Variants in ZNRF3 observed in about 807,000 individuals in gnomAD.
The protein encoded by ZNRF3 is zinc and ring finger 3.
Under a neutral mutation model 72.5 loss-of-function variants are expected in ZNRF3, and 23 were observed. The observed-to-expected ratio is 0.32, with a 90% CI of 0.23 to 0.45. ZNRF3 has a LOEUF of 0.45. Ranked by LOEUF, ZNRF3 falls within the 20% of genes least tolerant of loss-of-function variation. The pLI is 1.00. For missense variants in ZNRF3, 1,169 were observed against 1,272.1 expected, an observed-to-expected ratio of 0.92 and a Z score of 1.23; for synonymous variants, 610 against 545.3, an observed-to-expected ratio of 1.12 and a Z score of -1.65.
intron 2 of ZNRF3, among the ~76,000 whole-genome samples, chr22:28,989,966 CAGAAA>C (rs1419474987): frequency 6.6e-6 from 1 of 152,228 alleles, no homozygotes; most frequent in Non-Finnish European, 1.5e-5. Context: ...TTGAACTTCT[CAGAAA>C]AGAACTCTAT....
In ZNRF3 at chr22:29,050,419, G is replaced by T; in HGVS notation, c.2238G>T (p.Ala746=). 1 of 1,607,662 alleles carries T rather than the reference G, an allele frequency of 6.2e-7. No homozygotes were observed. The change falls in exon 8 of 9, where the codon GCG becomes GCT. Residue 746 remains alanine, a synonymous_variant. Transcript: ENST00000544604. Reference sequence around the variant, plus strand: ...ACCTCTACGAGGGCTCTGGCCCGGCGGGTGGGGAGCCCCAGTCAGGAAGCT... The same window carrying T: ...ACCTCTACGAGGGCTCTGGCCCGGCTGGTGGGGAGCCCCAGTCAGGAAGCT... ...GPHLYEGSGP[A]GGEPQSGSSQ...
At chr22:28,941,138 A>G (rs73882406) in intron 1 of ZNRF3, among the ~76,000 whole-genome samples, 2,534 of 152,268 alleles carry the variant, frequency 0.017, 80 homozygotes, top group African/African-American at 0.059. Context: ...TGGAAATCCT[A>G]TCACTGCAAA....
At chr22:28,955,032 GTT>G (rs372334361) in intron 1 of ZNRF3, among the ~76,000 whole-genome samples, 2 of 137,174 alleles carry the variant, frequency 1.5e-5, no homozygotes, top group African/African-American at 5.4e-5. Flanking sequence ...TATTTTTGGT[GTT>G]TTTTTTTTTT....
In ZNRF3 at chr22:29,054,317, T is replaced by G. The variant is rs1008408987; in HGVS notation, c.*695T>G. On this transcript the variant is annotated 3_prime_UTR_variant, in exon 9 of 9. Transcript: ENST00000544604. ...ATAGGGTGTACATGATCCACAGCCC[T>G]GCGGAGCCAGGTCAAGCCGCTGCTA... 2 of 152,358 alleles carry G rather than the reference T, an allele frequency of 1.3e-5. No homozygotes were observed. Among genetic ancestry groups the G allele is most frequent in the African/African-American group, 4.8e-5 (2 of 41,462 alleles). The allele number at this position is 152,358 out of a possible 1,614,324, so 9.4% of individuals were successfully genotyped here.
chr22:28,884,764 A>G (rs1041825969), intron 1 of ZNRF3, among the ~76,000 whole-genome samples: 1 of 152,158 alleles, frequency 6.6e-6, no homozygotes, highest in Non-Finnish European at 1.5e-5. Flanking sequence ...GGACCTGCAA[A>G]TGGGGAGATG....
intron 4 of ZNRF3, among the ~76,000 whole-genome samples, chr22:29,043,942 G>T (rs1003004835): frequency 9.2e-5 from 14 of 152,212 alleles, no homozygotes; most frequent in African/African-American, 2.7e-4. Context: ...TAAATGAATA[G>T]CATCTGCATC....
chr22:28,916,853 C>T (rs763150524), intron 1 of ZNRF3, among the ~76,000 whole-genome samples: 11 of 152,172 alleles, frequency 7.2e-5, no homozygotes, highest in South Asian at 2.1e-4. Flanking sequence ...TTCTCCTTAC[C>T]GTAGTCTCTT....
chr22:29,011,776 C>T (rs2036352125), intron 2 of ZNRF3, among the ~76,000 whole-genome samples: 1 of 152,214 alleles, frequency 6.6e-6, no homozygotes, highest in South Asian at 2.1e-4. Context: ...GAATGTAAAT[C>T]CTCCCGCTGG....
At chr22:28,896,424 C>T (rs1167088645) in intron 1 of ZNRF3, among the ~76,000 whole-genome samples, 2 of 152,032 alleles carry the variant, frequency 1.3e-5, no homozygotes, top group African/African-American at 2.4e-5. Flanking sequence ...TGAGCCACCA[C>T]GCCTGGCCCC....
intron 1 of ZNRF3, among the ~76,000 whole-genome samples, chr22:28,904,825 A>G (rs1402690615): frequency 6.6e-6 from 1 of 151,834 alleles, no homozygotes; most frequent in East Asian, 1.9e-4. Context: ...ACTTCTGTTC[A>G]TCCCTTGACT....
At chr22:28,898,697 C>G (rs2034046173) in intron 1 of ZNRF3, among the ~76,000 whole-genome samples, 1 of 152,068 alleles carries the variant, frequency 6.6e-6, no homozygotes, top group Non-Finnish European at 1.5e-5. Flanking sequence ...ATTTTTTTCC[C>G]TTTGGAAGCT....
intron 1 of ZNRF3, among the ~76,000 whole-genome samples, chr22:28,913,887 G>A (rs2034363528): frequency 6.6e-6 from 1 of 152,168 alleles, no homozygotes; most frequent in Non-Finnish European, 1.5e-5. Context: ...TTTGGGTACT[G>A]TGATGGCGGG....
chr22:28,998,071 G>A (rs1407153087), intron 2 of ZNRF3, among the ~76,000 whole-genome samples: 5 of 151,312 alleles, frequency 3.3e-5, no homozygotes, highest in Non-Finnish European at 5.9e-5. Context: ...AGGCTGAGGC[G>A]AGCGGATCAC....
chr22:29,018,637 A>G (rs567807072), intron 2 of ZNRF3: 1 of 152,518 alleles, frequency 6.6e-6, no homozygotes, highest in South Asian at 2.1e-4. Flanking sequence ...TTAAAGGAAA[A>G]CAAGTAAGTG....
intron 1 of ZNRF3, among the ~76,000 whole-genome samples, chr22:28,966,721 A>C (rs1469797095): frequency 6.6e-6 from 1 of 152,146 alleles, no homozygotes; most frequent in Non-Finnish European, 1.5e-5. Flanking sequence ...TTCTTATTAG[A>C]GTGTTATTAC....
chr22:28,884,043 A>G lies in ZNRF3; in HGVS notation c.277A>G (p.Ser93Gly). The G allele has an allele frequency of 7.9e-7, 1 of 1,263,238 alleles. No individual in the cohort carries two copies. The highest frequency in any genetic ancestry group is 1.0e-6 in the Non-Finnish European group (1 of 983,382). The allele number at this position is 1,263,238 out of a possible 1,614,324, so 78.3% of individuals were successfully genotyped here. A position where few individuals can be genotyped will look rare whatever the true frequency, so the allele number is the denominator to read the frequency against. The change falls in exon 1 of 9, where the codon AGC becomes GGC. Residue 93 changes from serine (S) to glycine (G), a missense_variant. This residue lies in a region of ZNRF3 where 386 missense variants were observed against 540.7 expected (regional missense o/e 0.71). Transcript: ENST00000544604. The part of the protein sequence containing the change: ...GRFSRAGATL[S>G]AEGEIVQMHP... ...CTTCTCGCGGGCCGGGGCCACGCTC[A>G]GCGCCGAGGGCGAGATCGTGCAGGT...
chr22:28,967,331 A>G lies in ZNRF3; in HGVS notation c.301-19745A>G, dbSNP rs548071909. On this transcript the variant is annotated intron_variant, in intron 1 of 8. Coordinates refer to ENST00000544604, the MANE Select transcript of ZNRF3 (RefSeq NM_001206998.2). ...GCCTCAGAGTCATAGGCTATACTGTACAGCCTAGGTGTGTAGTACGCTATT... is the reference window on the plus strand; with the variant it reads ...GCCTCAGAGTCATAGGCTATACTGTGCAGCCTAGGTGTGTAGTACGCTATT... 8.3e-4 allele frequency among the ~76,000 whole-genome samples: 126 copies of G among 152,350 alleles called. 2 individuals are homozygous for G. The South Asian group carries it at 0.022, about 27-fold the overall frequency.
At chr22:28,927,599 A>T (rs1422890525) in intron 1 of ZNRF3, among the ~76,000 whole-genome samples, 1 of 152,124 alleles carries the variant, frequency 6.6e-6, no homozygotes, top group East Asian at 1.9e-4. Flanking sequence ...GTGTGTTTGT[A>T]TGTGTGTGTA....
chr22:29,022,633 G>A (rs55938033), intron 2 of ZNRF3, among the ~76,000 whole-genome samples: 5 of 152,152 alleles, frequency 3.3e-5, no homozygotes, highest in African/African-American at 9.7e-5. Flanking sequence ...TCAGCTGTCC[G>A]TCTTACAAGT....
Sources: gnomAD v4.1 joint callset for allele counts (sites outside exome capture counted in the v4.1 genomes callset) on GRCh38, gnomAD v4.1.1 for gene constraint, gnomAD v4.1.1 regional missense constraint, MANE v1.5 for transcripts, NCBI Gene and HGNC (gene_info 2026-07-23, HGNC 2026-07-21) for gene names.